The following MYO15A variants were observed in gnomAD, a reference collection of about 807,000 sequenced individuals.
MYO15A encodes the protein myosin XVA.
In MYO15A, 308 loss-of-function variants were observed where a neutral mutation model predicts 394.6. That is an observed-to-expected ratio of 0.78 (90% CI 0.71 to 0.86). The LOEUF is 0.86. Ranked by LOEUF, MYO15A falls within the 40% of genes least tolerant of loss-of-function variation. MYO15A has a pLI of 0.00. For missense variants in MYO15A, 4,606 were observed against 4,799.1 expected (o/e 0.96, Z 1.19); for synonymous variants, 1,957 against 2,003.8 (o/e 0.98, Z 0.62).
At position 18,138,891 on chromosome 17, in the gene MYO15A, G is replaced by A. The variant is rs754073104; in HGVS notation, c.5088G>A (p.Leu1696=). 1.2e-6 allele frequency: 2 copies of A among 1,613,386 alleles called. No individual in the cohort carries two copies. The highest frequency in any genetic ancestry group is 1.1e-5 in the South Asian group (1 of 90,874). The stretch of plus-strand genomic sequence containing the variant: ...TCTATTCCAAACCCAAGATGCCGCT[G>A]CCTGAGTTCACCATCAAGCACTATG... The part of the protein sequence containing the change: ...NPLYSKPKMP[L]PEFTIKHYAG... Residue 1696 remains leucine (L), a synonymous_variant, in exon 18 of 66, where the codon CTG becomes CTA. Coordinates refer to ENST00000647165, the MANE Select transcript of MYO15A (RefSeq NM_016239.4).
intron 25 of MYO15A, 122 bp from the exon 26 acceptor site, chr17:18,143,444 C>A: frequency 8.5e-7 from 1 of 1,178,652 alleles, no homozygotes; most frequent in Non-Finnish European, 1.2e-6. Flanking sequence ...CACCTCCACA[C>A]AACAGGCAAG....
At chr17:18,126,699 C>T in intron 5 of MYO15A, 92 bp from the exon 6 acceptor site, 1 of 1,435,926 alleles carries the variant, frequency 7.0e-7, no homozygotes, top group Non-Finnish European at 9.8e-7. Context: ...GCAGGATTGG[C>T]TGTTTGGCTG....
At chr17:18,158,431 C>T in intron 51 of MYO15A, 92 bp from the exon 52 acceptor site, 1 of 1,133,362 alleles carries the variant, frequency 8.8e-7, no homozygotes, top group Non-Finnish European at 1.3e-6. Context: ...GAATCTGGGT[C>T]CAGTCAGCTA....
At position 18,155,242 on chromosome 17, in the gene MYO15A, TG is replaced by T. The variant is rs1421607592; in HGVS notation, c.8340+18del. On this transcript the variant is annotated intron_variant, in intron 46 of 65. Transcript: ENST00000647165. ...CCCGCCACGGTGCGAGCCCCTCACT[TG>T]CCCCCTACCTGTCCAGAGGATTCAG... 2 of 1,613,868 alleles carry T rather than the reference TG, an allele frequency of 1.2e-6. No individual in the cohort carries two copies. The highest frequency in any genetic ancestry group is 3.3e-5 in the Admixed American group (2 of 60,024).
Position 18,157,890 on chromosome 17 carries a change from G to A in MYO15A, c.8957G>A (p.Arg2986His), listed in dbSNP as rs759720548. ...ASAAAAQEVGRRREGPPVRAR... is the reference protein window; with the variant it reads ...ASAAAAQEVGHRREGPPVRAR... ...GCAGCCGCTGCACAGGAGGTGGGCCGCAGGAGAGAGGTGAGACCAGTGTGG... is the reference window on the plus strand; with the variant it reads ...GCAGCCGCTGCACAGGAGGTGGGCCACAGGAGAGAGGTGAGACCAGTGTGG... The change falls in exon 51 of 66, where the codon CGC becomes CAC. Residue 2986 changes from arginine (R) to histidine (H), a missense_variant. Arg to His is a conservative substitution (Grantham distance 29). Coordinates refer to ENST00000647165, the MANE Select transcript of MYO15A (RefSeq NM_016239.4). 18 of 1,429,714 alleles carry A rather than the reference G, an allele frequency of 1.3e-5. No individual in the cohort carries two copies. The highest frequency in any genetic ancestry group is 2.3e-5 in the Admixed American group (1 of 44,110). The allele number at this position is 1,429,714 out of a possible 1,614,324, so 88.6% of individuals were successfully genotyped here. A position where few individuals can be genotyped will look rare whatever the true frequency, so the allele number is the denominator to read the frequency against.
In MYO15A at chr17:18,151,185, A is replaced by C. The variant is rs750717187; in HGVS notation, c.7549A>C (p.Thr2517Pro). 6.2e-7 allele frequency: 1 copy of C among 1,613,772 alleles called. No individual in the cohort carries two copies. The change falls in exon 39 of 66, where the codon ACT (threonine) becomes CCT (proline). Residue 2517 changes from threonine (T) to proline (P), a missense_variant. Around this residue, in one of 2 missense-constraint regions of MYO15A, gnomAD observed 2,776 missense variants for 3,109.3 expected, o/e 0.89. Coordinates refer to ENST00000647165, the MANE Select transcript of MYO15A (RefSeq NM_016239.4). ...PPAKPVLLRA[T>P]PKPLAPAPLA... ...TGCCAAACCCGTGCTCCTGCGTGCC[A>C]CTCCAAAGCCCTTGGCCCCAGCCCC...
At position 18,149,263 on chromosome 17, in the gene MYO15A, C is replaced by A. The variant is rs758782005; in HGVS notation, c.7004C>A (p.Pro2335His). The stretch of plus-strand genomic sequence containing the variant: ...TCGGATGAGGACATGTCCACTAGAC[C>A]CCAGCCCCAGGAGCACATGCCCAAA... ...WDSDEDMSTR[P>H]QPQEHMPKVL... is the part of the protein sequence containing the mutation. Residue 2335 changes from proline (P) to histidine (H), a missense_variant, in exon 34 of 66, where the codon CCC (proline) becomes CAC (histidine). Pro to His is a moderately conservative substitution (Grantham distance 77). Transcript: ENST00000647165. The A allele has an allele frequency of 6.2e-7, 1 of 1,613,910 alleles. No individual in the cohort carries two copies. The highest frequency in any genetic ancestry group is 1.7e-5 in the Admixed American group (1 of 60,004).
intron 25 of MYO15A, 112 bp downstream of exon 25, chr17:18,142,952 T>C: frequency 1.1e-6 from 1 of 930,666 alleles, no homozygotes; most frequent in East Asian, 2.6e-5. Flanking sequence ...AAATTCTGCC[T>C]CTGCCACCCA....
At chr17:18,112,079 G>T (rs544690359) in intron 1 of MYO15A, among the ~76,000 whole-genome samples, 1 of 152,254 alleles carries the variant, frequency 6.6e-6, no homozygotes, top group African/African-American at 2.4e-5. Context: ...GGGCAAGCCC[G>T]CTAGAGAATG....
chr17:18,178,566 T>TA, intron 65 of MYO15A: 1 of 670,146 alleles, frequency 1.5e-6, no homozygotes. Context: ...CCTGCTTGCT[T>TA]ACCCCTTGCA....
intron 7 of MYO15A, 144 bp downstream of exon 7, chr17:18,127,309 T>A: frequency 1.0e-6 from 1 of 973,302 alleles, no homozygotes; most frequent in Non-Finnish European, 1.6e-6. Context: ...CCAGGGCTGC[T>A]TTTTCTGCCA....
In MYO15A at chr17:18,127,089, C is replaced by G. The variant is rs767354620; in HGVS notation, c.3956C>G (p.Ser1319Cys). Residue 1319 changes from serine (S) to cysteine (C), a missense_variant, in exon 7 of 66, where the codon TCT (serine) becomes TGT (cysteine). This residue lies in a region of MYO15A where 2,776 missense variants were observed against 3,109.3 expected (regional missense o/e 0.89). Transcript: ENST00000647165. Reference sequence around the variant, plus strand: ...TGCTCGGTCAGTGGAGAGAGCGGCTCTGGCAAAACTGAGGCCACCAAGCTG... The same window carrying G: ...TGCTCGGTCAGTGGAGAGAGCGGCTGTGGCAAAACTGAGGCCACCAAGCTG... ...QCIIISGESG[S>C]GKTEATKLIL... 6 of 1,613,938 alleles carry G rather than the reference C, an allele frequency of 3.7e-6. No homozygotes were observed. Among genetic ancestry groups the G allele is most frequent in the African/African-American group, 2.7e-5 (2 of 74,908 alleles).
At chr17:18,115,492 T>C (rs854768) in intron 1 of MYO15A, among the ~76,000 whole-genome samples, 70,458 of 151,970 alleles carry the variant, frequency 0.46, 18,111 homozygotes, top group South Asian at 0.71. Context: ...GCGGTGTGTG[T>C]CTGTAATCCC....
rs767582423 is a variant in MYO15A at position 18,155,153 on chromosome 17, C to T, written c.8268C>T (p.Ser2756=). ...LDTQKPLVTE[S]VKRAVVSTAR... is the part of the protein sequence containing the mutation. ...CACAGAAGCCTCTGGTAACGGAAAG[C>T]GTGAAGCGGGCCGTGGTCAGCACTG... The change falls in exon 46 of 66, where the codon AGC becomes AGT. Residue 2756 remains serine (S), a synonymous_variant. Coordinates refer to ENST00000647165, the MANE Select transcript of MYO15A (RefSeq NM_016239.4). 7 of 1,613,968 alleles carry T rather than the reference C, an allele frequency of 4.3e-6. No homozygotes were observed. The highest frequency in any genetic ancestry group is 5.1e-6 in the Non-Finnish European group (6 of 1,180,018).
chr17:18,179,187 C>T lies in MYO15A; in HGVS notation c.*317C>T. ...CCATTGCAGACCCTGCCCCTAACTC[C>T]TGCCTATGACACAGAAGCCCCACAC... On this transcript the variant is annotated 3_prime_UTR_variant, in exon 66 of 66. Transcript: ENST00000647165. The T allele has an allele frequency of 2.2e-6, 1 of 459,214 alleles. No individual in the cohort carries two copies. Among genetic ancestry groups the T allele is most frequent in the South Asian group, 2.1e-5 (1 of 47,266 alleles). 28.4% of individuals were successfully genotyped at this position (459,214 alleles called of 1,614,324 possible). A position where few individuals can be genotyped will look rare whatever the true frequency, so the allele number is the denominator to read the frequency against.
chr17:18,133,750 A>T (rs1480271081), intron 12 of MYO15A, among the ~76,000 whole-genome samples: 2 of 150,726 alleles, frequency 1.3e-5, no homozygotes, highest in Non-Finnish European at 1.5e-5. Context: ...ACCGCCTCCC[A>T]GGCTCAAGTG....
intron 61 of MYO15A, among the ~76,000 whole-genome samples, chr17:18,167,316 A>G (rs1457142643): frequency 6.6e-6 from 1 of 152,162 alleles, no homozygotes; most frequent in Admixed American, 6.5e-5. Flanking sequence ...ACATGTCCAC[A>G]CTGCAGTGTT....
intron 56 of MYO15A, chr17:18,160,864 C>T: frequency 2.9e-6 from 1 of 346,278 alleles, no homozygotes; most frequent in Non-Finnish European, 5.7e-6. Context: ...TCAGGTCCAC[C>T]CTCCTGTCTC....
At chr17:18,145,777 C>A in intron 29 of MYO15A, 95 bp from the exon 30 acceptor site, 1 of 1,045,268 alleles carries the variant, frequency 9.6e-7, no homozygotes, top group Non-Finnish European at 1.5e-6. Context: ...GGCAGGGGCA[C>A]ACATGGGAGG....
Sources: allele counts gnomAD v4.1 joint callset (sites outside exome capture counted in the v4.1 genomes callset), GRCh38; gene constraint gnomAD v4.1.1; regional missense constraint gnomAD v4.1.1; transcripts MANE v1.5; gene names NCBI Gene and HGNC (gene_info 2026-07-23, HGNC 2026-07-21).